Variants in SLC39A11 observed in about 807,000 individuals in gnomAD.
SLC39A11 encodes solute carrier family 39 member 11, also known as zinc transporter ZIP11.
A neutral mutation model predicts 36.1 loss-of-function variants in SLC39A11; 33 were observed. That is an observed-to-expected ratio of 0.91 (90% CI 0.69 to 1.22). The LOEUF (loss-of-function observed/expected upper bound fraction) is 1.22, where lower values mean the gene tolerates loss of function less well. Ranked by LOEUF, SLC39A11 falls within the 50% of genes most tolerant of loss-of-function variation. The probability of loss-of-function intolerance (pLI) is 0.00; values close to 1 mark genes in which losing one functional copy is unlikely to be tolerated. For missense variants in SLC39A11, 432 were observed against 430.3 expected (o/e 1.00, Z -0.03); for synonymous variants, 166 against 170.3 (o/e 0.97, Z 0.20).
chr17:72,796,120 T>C (rs1419475802), intron 6 of SLC39A11, among the ~76,000 whole-genome samples: 1 of 152,126 alleles, frequency 6.6e-6, no homozygotes, highest in Non-Finnish European at 1.5e-5. Context: ...TCACATACTC[T>C]GAGTTATGAG....
intron 7 of SLC39A11, among the ~76,000 whole-genome samples, chr17:72,683,803 C>T (rs936740938): frequency 3.9e-5 from 6 of 152,014 alleles, no homozygotes; most frequent in South Asian, 2.1e-4. Context: ...ACAGGTCCCC[C>T]GAGAGAGCTG....
chr17:72,717,266 C>T (rs928292368), intron 7 of SLC39A11, among the ~76,000 whole-genome samples: 1 of 151,838 alleles, frequency 6.6e-6, no homozygotes, highest in African/African-American at 2.4e-5. Context: ...TAAGAGAGGA[C>T]CTCAGGGACA....
intron 6 of SLC39A11, chr17:72,837,651 AG>A (rs1404682925): frequency 6.2e-6 from 1 of 162,260 alleles, no homozygotes; most frequent in African/African-American, 2.4e-5. Context: ...ATGTCCATCA[AG>A]TGATGAAACA....
chr17:73,009,893 C>G (rs2090415799), intron 4 of SLC39A11, among the ~76,000 whole-genome samples: 1 of 151,708 alleles, frequency 6.6e-6, no homozygotes, highest in Admixed American at 6.6e-5. Context: ...CCCACTCCCC[C>G]CACCCCACGA....
chr17:72,923,508 A>G (rs2083827916), intron 5 of SLC39A11, among the ~76,000 whole-genome samples: 1 of 152,222 alleles, frequency 6.6e-6, no homozygotes, highest in Admixed American at 6.5e-5. Context: ...TAAGCTTTGG[A>G]GCTGGGCAGT....
intron 6 of SLC39A11, among the ~76,000 whole-genome samples, chr17:72,833,532 T>C (rs1336555633): frequency 6.6e-6 from 1 of 152,200 alleles, no homozygotes; most frequent in Non-Finnish European, 1.5e-5. Flanking sequence ...AACAGGACAA[T>C]GGCTCTAGCA....
intron 3 of SLC39A11, among the ~76,000 whole-genome samples, chr17:73,057,462 T>C (rs771963692): frequency 6.6e-6 from 1 of 152,240 alleles, no homozygotes; most frequent in South Asian, 2.1e-4. Context: ...TAGTCTGAAT[T>C]TACTTTTTCT....
intron 5 of SLC39A11, among the ~76,000 whole-genome samples, chr17:72,936,146 C>G (rs919871203): frequency 2.2e-4 from 34 of 151,906 alleles, no homozygotes; most frequent in African/African-American, 8.2e-4. Flanking sequence ...TGTGGTGAGC[C>G]GAGATCACGT....
In SLC39A11 at chr17:72,739,129, ATTTTTT is replaced by A. The variant is rs10531579; in HGVS notation, c.602-2416_602-2411del. ...GTAAGCTGCAGGTTGAGAATTTCGGATTTTTTTTTTTTTTTTGAGACACAGTCTCAC... is the reference window on the plus strand; with the variant it reads ...GTAAGCTGCAGGTTGAGAATTTCGGATTTTTTTTTTGAGACACAGTCTCAC... On this transcript the variant is annotated intron_variant, in intron 6 of 9. Coordinates refer to ENST00000255559, the MANE Select transcript of SLC39A11 (RefSeq NM_139177.4). Among the ~76,000 whole-genome samples, 608 of 143,754 alleles carry A rather than the reference ATTTTTT, an allele frequency of 4.2e-3. 4 individuals carry two copies. Among genetic ancestry groups the A allele is most frequent in the African/African-American group, 0.015 (582 of 38,964 alleles). The allele number at this position is 143,754 out of a possible 152,430, so 94.3% of individuals were successfully genotyped here.
intron 6 of SLC39A11, among the ~76,000 whole-genome samples, chr17:72,844,608 G>A (rs151030982): frequency 0.037 from 5,649 of 152,274 alleles, 361 homozygotes; most frequent in African/African-American, 0.12. Flanking sequence ...GGTGGAGGTT[G>A]CAGTGAGCCA....
At chr17:72,973,437 C>A (rs933989375) in intron 4 of SLC39A11, among the ~76,000 whole-genome samples, 1 of 152,238 alleles carries the variant, frequency 6.6e-6, no homozygotes, top group East Asian at 2.0e-4. Context: ...TCCCTGATGA[C>A]TTTTGCTGAC....
At chr17:72,783,215 C>T (rs189448903) in intron 6 of SLC39A11, among the ~76,000 whole-genome samples, 1 of 152,252 alleles carries the variant, frequency 6.6e-6, no homozygotes, top group East Asian at 1.9e-4. Flanking sequence ...TCTGAATCTG[C>T]TGGCACCTTG....
intron 4 of SLC39A11, among the ~76,000 whole-genome samples, chr17:72,953,515 C>T (rs945481627): frequency 1.3e-5 from 2 of 152,074 alleles, no homozygotes; most frequent in African/African-American, 4.8e-5. Flanking sequence ...GCCTGCTGTC[C>T]CAGGCAGGAG....
intron 5 of SLC39A11, among the ~76,000 whole-genome samples, chr17:72,900,095 AAAAGAAAG>A (rs141705621): frequency 9.4e-6 from 1 of 105,976 alleles, no homozygotes; most frequent in East Asian, 2.8e-4. Context: ...AGAGAAAGAG[AAAAGAAAG>A]AAAGAAAAAG....
At chr17:73,015,798 G>A (rs1359041609) in intron 4 of SLC39A11, among the ~76,000 whole-genome samples, 1 of 152,098 alleles carries the variant, frequency 6.6e-6, no homozygotes, top group Non-Finnish European at 1.5e-5. Context: ...GGCCAGGCTG[G>A]CTGGAACTCC....
At chr17:72,990,765 C>A (rs1208690417) in intron 4 of SLC39A11, among the ~76,000 whole-genome samples, 2 of 151,636 alleles carry the variant, frequency 1.3e-5, no homozygotes, top group African/African-American at 4.9e-5. Context: ...CCGACCAACA[C>A]ACACACATCT....
chr17:72,833,839 C>T (rs1362535373), intron 6 of SLC39A11, among the ~76,000 whole-genome samples: 3 of 152,172 alleles, frequency 2.0e-5, no homozygotes, highest in South Asian at 2.1e-4. Flanking sequence ...TCGCAACCCA[C>T]TTCAGTCCCC....
intron 4 of SLC39A11, among the ~76,000 whole-genome samples, chr17:72,985,051 A>G (rs1440420805): frequency 1.3e-5 from 2 of 152,332 alleles, no homozygotes; most frequent in Middle Eastern, 3.4e-3. Flanking sequence ...TAGGAGGCCC[A>G]GCCGGGCTAG....
At chr17:72,769,000 T>A (rs2075842524) in intron 6 of SLC39A11, among the ~76,000 whole-genome samples, 1 of 152,174 alleles carries the variant, frequency 6.6e-6, no homozygotes, top group African/African-American at 2.4e-5. Context: ...GACCTCATGA[T>A]CCACCCACTT....
Sources: gnomAD v4.1 joint callset for allele counts (sites outside exome capture counted in the v4.1 genomes callset) on GRCh38, gnomAD v4.1.1 for gene constraint, MANE v1.5 for transcripts, NCBI Gene and HGNC (gene_info 2026-07-23, HGNC 2026-07-21) for gene names.